The following ALDH1L1 variants were observed in gnomAD, a reference collection of about 807,000 sequenced individuals.
ALDH1L1 encodes cytosolic 10-formyltetrahydrofolate dehydrogenase.
A neutral mutation model predicts 101.1 loss-of-function variants in ALDH1L1; 68 were observed. The ratio of observed to expected loss-of-function variants is 0.67; its 90% CI spans 0.55 to 0.82. The LOEUF is 0.82. Among genes scored for constraint, ALDH1L1 ranks in the 40% least tolerant of loss-of-function variants. The pLI is 0.00. For missense variants in ALDH1L1, 1,087 were observed against 1,172.7 expected, an observed-to-expected ratio of 0.93 and a Z score of 1.07; for synonymous variants, 486 against 470.8, an observed-to-expected ratio of 1.03 and a Z score of -0.42.
intron 1 of ALDH1L1, among the ~76,000 whole-genome samples, chr3:126,164,687 G>T (rs151062967): frequency 1.1e-4 from 17 of 152,308 alleles, no homozygotes; most frequent in Non-Finnish European, 2.2e-4. Flanking sequence ...ACATACAAGC[G>T]CATGTGTCTT....
At chr3:126,186,101 G>A (rs1485694661), upstream of ALDH1L1, among the ~76,000 whole-genome samples, 1 of 152,172 alleles carries the variant, frequency 6.6e-6, no homozygotes, top group Non-Finnish European at 1.5e-5. Flanking sequence ...GAGATGGATG[G>A]CAGTGATGGT....
rs769328723 is a variant in ALDH1L1, at chr3:126,150,418, C to T, written c.972G>A (p.Ala324=). 70 of 1,551,242 alleles carry T rather than the reference C, an allele frequency of 4.5e-5. No homozygotes were observed. The highest frequency in any genetic ancestry group is 2.0e-4 in the South Asian group (17 of 84,042). ...AGTTGCCTCTTACCCGCACAGCCTC[C>T]GCAGTAACCAGCTCTGCCTCTGTCA... is the stretch of plus-strand genomic sequence containing the variant. The part of the protein sequence containing the change: ...LELTEAELVT[A]EAVRSVWQRI... The change falls in exon 8 of 23, where the codon GCG becomes GCA. Residue 324 remains alanine (A), a synonymous_variant. Coordinates refer to ENST00000393434, the MANE Select transcript of ALDH1L1 (RefSeq NM_012190.4).
chr3:126,158,421 C>A lies in ALDH1L1; in HGVS notation c.346G>T (p.Ala116Ser). 6.2e-7 allele frequency: 1 copy of A among 1,600,480 alleles called. No homozygotes were observed. The highest frequency in any genetic ancestry group is 8.5e-7 in the Non-Finnish European group (1 of 1,171,080). The change falls in exon 3 of 23, where the codon GCC becomes TCC. Residue 116 changes from alanine (A) to serine (S), a missense_variant. Physicochemically the swap from Ala to Ser is moderately conservative, Grantham distance 99. Coordinates refer to ENST00000393434, the MANE Select transcript of ALDH1L1 (RefSeq NM_012190.4). Reference protein sequence around the residue: ...HPSLLPRHRGASAINWTLIHG... With the variant: ...HPSLLPRHRGSSAINWTLIHG... ...CCATCTCACCAGTTGATGGCCGAGG[C>A]CCCTCGGTGCCTAGGGAGCAGTGAC...
At chr3:126,122,597 A>T (rs1382834568) in intron 16 of ALDH1L1, among the ~76,000 whole-genome samples, 5 of 152,148 alleles carry the variant, frequency 3.3e-5, no homozygotes, top group Non-Finnish European at 7.3e-5. Flanking sequence ...AAAATTAAGT[A>T]ATATATATAG....
chr3:126,106,440 G>C (rs1288142142), intron 21 of ALDH1L1, among the ~76,000 whole-genome samples: 2 of 152,192 alleles, frequency 1.3e-5, no homozygotes, highest in Non-Finnish European at 1.5e-5. Flanking sequence ...GGAGACAAGG[G>C]GCAGGCCTGA....
In ALDH1L1 at chr3:126,112,771, G is replaced by A. The variant is rs1195227080; in HGVS notation, c.2181+11C>T. 19 of 1,611,910 alleles carry A rather than the reference G, an allele frequency of 1.2e-5. No homozygotes were observed. The highest frequency in any genetic ancestry group is 1.3e-5 in the Non-Finnish European group (15 of 1,179,674). Reference sequence around the variant, plus strand: ...GAACCAGCCGCCCGCAGACCCTGGGGCAGGACTTACCACTCTCCGCACGAA... The same window carrying A: ...GAACCAGCCGCCCGCAGACCCTGGGACAGGACTTACCACTCTCCGCACGAA... On this transcript the variant is annotated intron_variant, in intron 19 of 22. Transcript: ENST00000393434.
chr3:126,169,015 C>CT (rs1192360516), intron 1 of ALDH1L1, among the ~76,000 whole-genome samples: 1 of 152,044 alleles, frequency 6.6e-6, no homozygotes, highest in Non-Finnish European at 1.5e-5. Flanking sequence ...AGCTGTGAAA[C>CT]TTTAACAAGC....
intron 2 of ALDH1L1, among the ~76,000 whole-genome samples, chr3:126,159,183 C>A (rs777065511): frequency 6.6e-6 from 1 of 152,028 alleles, no homozygotes; most frequent in East Asian, 1.9e-4. Context: ...TCAGTTTTTC[C>A]ATCATCTGCA....
At chr3:126,138,529 C>CTT (rs1423698236) in intron 9 of ALDH1L1, among the ~76,000 whole-genome samples, 1 of 152,174 alleles carries the variant, frequency 6.6e-6, no homozygotes, top group African/African-American at 2.4e-5. Flanking sequence ...TATGACAAGA[C>CTT]ACTCAACATC....
chr3:126,107,285 C>T (rs780794696), intron 20 of ALDH1L1, 39 bp from the exon 21 acceptor site: 23 of 1,538,548 alleles, frequency 1.5e-5, no homozygotes, highest in Admixed American at 6.7e-5. Flanking sequence ...ATGGGAGACA[C>T]GGTGCCCGAT....
At chr3:126,159,522 T>A in intron 2 of ALDH1L1, 1 of 456,770 alleles carries the variant, frequency 2.2e-6, no homozygotes, top group South Asian at 1.5e-5. Context: ...CTGACTGGAC[T>A]GGCTCTCCTC....
chr3:126,118,990 G>A (rs1490233644), intron 16 of ALDH1L1, among the ~76,000 whole-genome samples: 1 of 152,142 alleles, frequency 6.6e-6, no homozygotes, highest in Non-Finnish European at 1.5e-5. Flanking sequence ...CCTCCTCCCA[G>A]ACTCAGCGTA....
intron 1 of ALDH1L1, among the ~76,000 whole-genome samples, chr3:126,169,838 T>C (rs1188619777): frequency 6.6e-6 from 1 of 152,230 alleles, no homozygotes; most frequent in Non-Finnish European, 1.5e-5. Flanking sequence ...CATAAATTCT[T>C]TTAATAAAAA....
intron 1 of ALDH1L1, among the ~76,000 whole-genome samples, chr3:126,178,973 C>A (rs1185864323): frequency 6.6e-6 from 1 of 152,188 alleles, no homozygotes; most frequent in Non-Finnish European, 1.5e-5. Flanking sequence ...TCGTTCCCCC[C>A]CTGCAGGGAG....
chr3:126,108,814 A>G (rs1945977568), intron 20 of ALDH1L1, among the ~76,000 whole-genome samples: 2 of 152,224 alleles, frequency 1.3e-5, no homozygotes, highest in South Asian at 4.1e-4. Context: ...GTACAGGTCA[A>G]GGGCAAGTCA....
chr3:126,148,797 T>C (rs1559952055), intron 8 of ALDH1L1, among the ~76,000 whole-genome samples: 1 of 152,158 alleles, frequency 6.6e-6, no homozygotes, highest in African/African-American at 2.4e-5. Context: ...AAACCTGAAA[T>C]AGCCAATCCT....
intron 9 of ALDH1L1, among the ~76,000 whole-genome samples, chr3:126,139,236 T>C (rs576118940): frequency 7.0e-4 from 106 of 152,352 alleles, no homozygotes; most frequent in Non-Finnish European, 1.3e-3. Flanking sequence ...GGCAATACTT[T>C]CCCTCCACTT....
At chr3:126,156,755 A>C (rs753075640) in intron 4 of ALDH1L1, 1 of 152,106 alleles carries the variant, frequency 6.6e-6, no homozygotes, top group Non-Finnish European at 1.5e-5. Flanking sequence ...CTATCAGAGC[A>C]CTCCATCACC....
At chr3:126,132,409 C>T (rs1403707321) in intron 12 of ALDH1L1, among the ~76,000 whole-genome samples, 1 of 152,224 alleles carries the variant, frequency 6.6e-6, no homozygotes, top group Non-Finnish European at 1.5e-5. Flanking sequence ...CTGTCCACGC[C>T]ACTCAGGATG....
Sources: allele counts gnomAD v4.1 joint callset (sites outside exome capture counted in the v4.1 genomes callset), GRCh38; gene constraint gnomAD v4.1.1; transcripts MANE v1.5; gene names NCBI Gene and HGNC (gene_info 2026-07-23, HGNC 2026-07-21).